Variants in TANC2 observed in about 807,000 individuals in gnomAD.
TANC2 encodes tetratricopeptide repeat, ankyrin repeat and coiled-coil containing 2.
A neutral mutation model predicts 210.5 loss-of-function variants in TANC2; 26 were observed. The ratio of observed to expected loss-of-function variants is 0.12; its 90% CI spans 0.09 to 0.17. The LOEUF (loss-of-function observed/expected upper bound fraction) is 0.17. TANC2 is among the 10% of genes least tolerant of loss of function. The probability of loss-of-function intolerance (pLI) is 1.00; values close to 1 mark genes in which losing one functional copy is unlikely to be tolerated. For synonymous variants in TANC2, 931 were observed against 967.1 expected, an observed-to-expected ratio of 0.96 and a Z score of 0.69; for missense variants, 2,129 against 2,608.9, an observed-to-expected ratio of 0.82 and a Z score of 4.01.
intron 1 of TANC2, among the ~76,000 whole-genome samples, chr17:62,969,307 T>C (rs1598160789): frequency 6.6e-6 from 1 of 152,212 alleles, no homozygotes; most frequent in East Asian, 1.9e-4. Context: ...CCCAATACTA[T>C]ATAGCTGAGA....
chr17:63,131,200 A>T (rs1398544063), intron 4 of TANC2, among the ~76,000 whole-genome samples: 1 of 152,244 alleles, frequency 6.6e-6, no homozygotes, highest in Non-Finnish European at 1.5e-5. Context: ...ATTCTCCACC[A>T]CAGTTTTTAA....
intron 6 of TANC2, among the ~76,000 whole-genome samples, chr17:63,196,187 T>G (rs1221307347): frequency 6.6e-6 from 1 of 152,222 alleles, no homozygotes; most frequent in Non-Finnish European, 1.5e-5. Flanking sequence ...ATGACAAGAA[T>G]GTGTGTTTCA....
At chr17:63,359,056 T>C (rs2046874880) in intron 14 of TANC2, among the ~76,000 whole-genome samples, 1 of 151,902 alleles carries the variant, frequency 6.6e-6, no homozygotes, top group African/African-American at 2.4e-5. Context: ...TGTGTGTATT[T>C]TTGTGGGGTT....
At chr17:63,083,379 T>C (rs1302815641) in intron 3 of TANC2, among the ~76,000 whole-genome samples, 1 of 151,802 alleles carries the variant, frequency 6.6e-6, no homozygotes, top group East Asian at 1.9e-4. Flanking sequence ...AGACTTCAGG[T>C]GCTTGCCCAG....
intron 19 of TANC2, among the ~76,000 whole-genome samples, chr17:63,399,530 A>G (rs1428628532): frequency 6.6e-6 from 1 of 152,234 alleles, no homozygotes; most frequent in Non-Finnish European, 1.5e-5. Context: ...TGGCCTTTGC[A>G]GGAAATGATT....
intron 9 of TANC2, 53 bp from the exon 10 acceptor site, chr17:63,314,335 T>C: frequency 6.3e-7 from 1 of 1,589,166 alleles, no homozygotes; most frequent in South Asian, 1.1e-5. Context: ...TCTCTTTGTT[T>C]CTCTCAATGT....
At chr17:63,001,011 C>T (rs187113261) in intron 1 of TANC2, among the ~76,000 whole-genome samples, 255 of 149,182 alleles carry the variant, frequency 1.7e-3, no homozygotes, top group African/African-American at 6.0e-3. Flanking sequence ...AAGAAGTAGC[C>T]ATCACTATAA....
At chr17:62,991,168 T>C (rs1226755829) in intron 1 of TANC2, among the ~76,000 whole-genome samples, 1 of 152,040 alleles carries the variant, frequency 6.6e-6, no homozygotes, top group Non-Finnish European at 1.5e-5. Flanking sequence ...GTGATTGAAA[T>C]GACAGATCAT....
chr17:63,036,140 GT>G (rs2034962894), intron 2 of TANC2, among the ~76,000 whole-genome samples: 1 of 151,562 alleles, frequency 6.6e-6, no homozygotes, highest in Non-Finnish European at 1.5e-5. Flanking sequence ...TCTTAACAGT[GT>G]TTGATAAAGT....
intron 5 of TANC2, among the ~76,000 whole-genome samples, chr17:63,189,105 C>A (rs1279515910): frequency 6.6e-6 from 1 of 152,026 alleles, no homozygotes; most frequent in Non-Finnish European, 1.5e-5. Flanking sequence ...TGGCATGTAT[C>A]AGTATTTCTT....
chr17:62,967,832 T>TAA (rs11449236), intron 1 of TANC2, among the ~76,000 whole-genome samples: 89 of 136,600 alleles, frequency 6.5e-4, no homozygotes, highest in African/African-American at 1.0e-3. Context: ...GATGGTGAAA[T>TAA]AAAAAAAAAA....
intron 3 of TANC2, 148 bp from the exon 4 acceptor site, chr17:63,099,027 A>G: frequency 1.3e-6 from 1 of 769,546 alleles, no homozygotes; most frequent in Non-Finnish European, 2.2e-6. Flanking sequence ...AGTACATAGT[A>G]AGTGTAGAAA....
intron 2 of TANC2, among the ~76,000 whole-genome samples, chr17:63,069,863 G>T (rs936944289): frequency 6.6e-6 from 1 of 152,054 alleles, no homozygotes; most frequent in African/African-American, 2.4e-5. Context: ...AAAGGAGTAG[G>T]TCCTCTACAG....
chr17:63,125,304 G>A (rs2038665627), intron 4 of TANC2: 1 of 152,204 alleles, frequency 6.6e-6, no homozygotes, highest in Non-Finnish European at 1.5e-5. Flanking sequence ...CATAGTAACT[G>A]TCCAATAATG....
chr17:63,220,794 GTA>G (rs1026688891), intron 7 of TANC2, among the ~76,000 whole-genome samples: 1 of 145,092 alleles, frequency 6.9e-6, no homozygotes, highest in Non-Finnish European at 1.5e-5. Context: ...GTGTATATAT[GTA>G]TATATACGTG....
chr17:63,293,103 A>G (rs546660024), intron 9 of TANC2, among the ~76,000 whole-genome samples: 1 of 152,320 alleles, frequency 6.6e-6, no homozygotes, highest in Non-Finnish European at 1.5e-5. Flanking sequence ...TCCGTTCTTC[A>G]AAAACTTATT....
chr17:62,972,419 A>C (rs539215561), intron 1 of TANC2, among the ~76,000 whole-genome samples: 1 of 152,250 alleles, frequency 6.6e-6, no homozygotes, highest in African/African-American at 2.4e-5. Flanking sequence ...GTGCATCTTA[A>C]ACTCCTTTCT....
At chr17:63,051,755 T>C (rs2035589609) in intron 2 of TANC2, among the ~76,000 whole-genome samples, 2 of 152,128 alleles carry the variant, frequency 1.3e-5, no homozygotes, top group South Asian at 4.1e-4. Flanking sequence ...GTGAATTACA[T>C]GAAACAGTCA....
At chr17:63,010,152 T>G (rs981259291) in intron 2 of TANC2, among the ~76,000 whole-genome samples, 3 of 152,186 alleles carry the variant, frequency 2.0e-5, no homozygotes, top group African/African-American at 7.2e-5. Context: ...AGAAATGTAT[T>G]AGAATGTTTG....
Sources: allele counts gnomAD v4.1 joint callset (sites outside exome capture counted in the v4.1 genomes callset), GRCh38; gene constraint gnomAD v4.1.1; transcripts MANE v1.5; gene names NCBI Gene and HGNC (gene_info 2026-07-23, HGNC 2026-07-21).